Variants in STXBP5L observed in about 807,000 individuals in gnomAD.
STXBP5L encodes syntaxin-binding protein 5-like.
Under a neutral mutation model 144.5 loss-of-function variants are expected in STXBP5L, and 65 were observed. That is an observed-to-expected ratio of 0.45 (90% CI 0.37 to 0.55). STXBP5L has a LOEUF of 0.55. Ranked by LOEUF, STXBP5L falls within the 20% of genes least tolerant of loss-of-function variation. The pLI is 0.00. For missense variants in STXBP5L, 1,298 were observed against 1,405.5 expected (o/e 0.92, Z 1.22); for synonymous variants, 505 against 469.6 (o/e 1.08, Z -0.97).
Position 121,079,523 on chromosome 3 carries a change from T to A in STXBP5L, c.470+33988T>A, listed in dbSNP as rs532792102. Among the ~76,000 whole-genome samples the A allele has an allele frequency of 3.9e-5, 6 of 152,348 alleles. No individual in the cohort carries two copies. The South Asian group carries it at 1.2e-3, about 32-fold the overall frequency. On this transcript the variant is annotated intron_variant, in intron 5 of 26. Coordinates refer to ENST00000471454, the MANE Select transcript of STXBP5L (RefSeq NM_001308330.2). ...ATTTGCAGCAACTTTAAGAGGATTTTAAAATTTCTATTACTGCTACTATTA... is the reference window on the plus strand; with the variant it reads ...ATTTGCAGCAACTTTAAGAGGATTTAAAAATTTCTATTACTGCTACTATTA...
chr3:121,116,574 G>T (rs1162002327), intron 6 of STXBP5L, among the ~76,000 whole-genome samples: 1 of 152,020 alleles, frequency 6.6e-6, no homozygotes, highest in Non-Finnish European at 1.5e-5. Context: ...CATTATTGAA[G>T]CATTAGTATG....
intron 7 of STXBP5L, among the ~76,000 whole-genome samples, chr3:121,123,767 T>A (rs552199759): frequency 1.3e-5 from 2 of 151,932 alleles, no homozygotes; most frequent in East Asian, 3.9e-4. Flanking sequence ...TAGGTTTGAG[T>A]TGTGGCTCTA....
At chr3:121,010,461 A>G (rs1343327840) in intron 3 of STXBP5L, among the ~76,000 whole-genome samples, 6 of 151,518 alleles carry the variant, frequency 4.0e-5, no homozygotes, top group African/African-American at 1.2e-4. Context: ...CTGATACTAG[A>G]GAACCTAGTG....
intron 5 of STXBP5L, among the ~76,000 whole-genome samples, chr3:121,055,285 G>A (rs1479674060): frequency 6.6e-6 from 1 of 152,010 alleles, no homozygotes; most frequent in Non-Finnish European, 1.5e-5. Flanking sequence ...ATTTAACCAA[G>A]CATCTTTTGG....
intron 5 of STXBP5L, among the ~76,000 whole-genome samples, chr3:121,078,773 C>G (rs543993656): frequency 6.6e-6 from 1 of 152,368 alleles, no homozygotes; most frequent in African/African-American, 2.4e-5. Flanking sequence ...GGACCCAGTA[C>G]ACCCTCCGCA....
Position 121,407,620 on chromosome 3 carries a change from A to T in STXBP5L, c.2948+17A>T, listed in dbSNP as rs774195845. ...GATAATGAGGTACTTGCCTTCTTAT[A>T]AATTATCTGGTAATCACAACAATAC... On this transcript the variant is annotated intron_variant, in intron 23 of 26. Transcript: ENST00000471454. 6.2e-7 allele frequency: 1 copy of T among 1,612,650 alleles called. No homozygotes were observed. The highest frequency in any genetic ancestry group is 1.1e-5 in the South Asian group (1 of 91,036).
chr3:120,960,380 A>C (rs1938620297), intron 3 of STXBP5L, among the ~76,000 whole-genome samples: 1 of 152,190 alleles, frequency 6.6e-6, no homozygotes, highest in African/African-American at 2.4e-5. Flanking sequence ...AACTAGAAAT[A>C]CCATTTGACC....
At chr3:121,143,391 G>A (rs1330183193) in intron 7 of STXBP5L, among the ~76,000 whole-genome samples, 1 of 151,042 alleles carries the variant, frequency 6.6e-6, no homozygotes, top group African/African-American at 2.4e-5. Flanking sequence ...TAAAACTGTA[G>A]GTGAAAATTC....
At chr3:121,390,842 G>T (rs1233900515) in intron 22 of STXBP5L, among the ~76,000 whole-genome samples, 1 of 152,006 alleles carries the variant, frequency 6.6e-6, no homozygotes, top group African/African-American at 2.4e-5. Context: ...CAACCTTGGT[G>T]AATCTGACAA....
chr3:121,295,160 A>G (rs951742606), intron 19 of STXBP5L, among the ~76,000 whole-genome samples: 15 of 152,096 alleles, frequency 9.9e-5, no homozygotes, highest in African/African-American at 3.6e-4. Flanking sequence ...AGAATGATCC[A>G]TAGAAAAAGA....
intron 19 of STXBP5L, among the ~76,000 whole-genome samples, chr3:121,315,720 G>A (rs2043761891): frequency 6.6e-6 from 1 of 151,894 alleles, no homozygotes; most frequent in African/African-American, 2.4e-5. Flanking sequence ...TCATGGAAGG[G>A]GCCAGGCGTG....
intron 10 of STXBP5L, among the ~76,000 whole-genome samples, chr3:121,212,090 G>A (rs955929387): frequency 1.1e-4 from 16 of 152,120 alleles, no homozygotes; most frequent in South Asian, 6.2e-4. Context: ...ATTTGCTTAC[G>A]TTCCTTGTAG....
At chr3:120,971,342 C>A (rs1940224661) in intron 3 of STXBP5L, among the ~76,000 whole-genome samples, 1 of 151,782 alleles carries the variant, frequency 6.6e-6, no homozygotes, top group Non-Finnish European at 1.5e-5. Flanking sequence ...GTACATTGTA[C>A]TCAGTAGGTA....
intron 3 of STXBP5L, among the ~76,000 whole-genome samples, chr3:120,974,485 T>G (rs1286204856): frequency 6.7e-6 from 1 of 149,746 alleles, no homozygotes; most frequent in Non-Finnish European, 1.5e-5. Flanking sequence ...TCTCCCATGC[T>G]CTAGGTTGCC....
intron 9 of STXBP5L, among the ~76,000 whole-genome samples, chr3:121,201,296 G>T (rs1336320511): frequency 6.6e-6 from 1 of 151,978 alleles, no homozygotes; most frequent in African/African-American, 2.4e-5. Flanking sequence ...TTTGATCTTT[G>T]TTGGTTTAAA....
At chr3:121,398,809 T>C (rs1286321703) in intron 22 of STXBP5L, among the ~76,000 whole-genome samples, 1 of 152,166 alleles carries the variant, frequency 6.6e-6, no homozygotes, top group Non-Finnish European at 1.5e-5. Flanking sequence ...AGGAAAAGGC[T>C]CAAATGTAGC....
chr3:121,330,550 G>T (rs1271374003), intron 20 of STXBP5L, among the ~76,000 whole-genome samples: 4 of 152,128 alleles, frequency 2.6e-5, no homozygotes, highest in Non-Finnish European at 5.9e-5. Flanking sequence ...GCTTGAGACA[G>T]TAGGGTACCT....
intron 5 of STXBP5L, among the ~76,000 whole-genome samples, chr3:121,048,839 C>A (rs1246466485): frequency 6.6e-6 from 1 of 152,126 alleles, no homozygotes; most frequent in Non-Finnish European, 1.5e-5. Context: ...GTGCTGGGAG[C>A]CCAGGTCAAG....
rs567328294 is a variant in STXBP5L, at chr3:121,419,288, T to C, written c.*191T>C. 9 of 519,050 alleles carry C rather than the reference T, an allele frequency of 1.7e-5. No individual in the cohort carries two copies. The South Asian group carries it at 3.4e-4, about 19-fold the overall frequency. 32.2% of individuals were successfully genotyped at this position (519,050 alleles called of 1,614,324 possible). A position where few individuals can be genotyped will look rare whatever the true frequency, so the allele number is the denominator to read the frequency against. On this transcript the variant is annotated 3_prime_UTR_variant, in exon 27 of 27. Coordinates refer to ENST00000471454, the MANE Select transcript of STXBP5L (RefSeq NM_001308330.2). ...CCAAAGGCTGGAGCCCTGGTTAAAATCCCAAAATACGGCTGAATTTGCCTT... is the reference window on the plus strand; with the variant it reads ...CCAAAGGCTGGAGCCCTGGTTAAAACCCCAAAATACGGCTGAATTTGCCTT...
Sources: gnomAD v4.1 joint callset for allele counts (sites outside exome capture counted in the v4.1 genomes callset) on GRCh38, gnomAD v4.1.1 for gene constraint, MANE v1.5 for transcripts, NCBI Gene and HGNC (gene_info 2026-07-23, HGNC 2026-07-21) for gene names.